NIBAN3: variants seen among roughly 807,000 people sequenced by gnomAD.
NIBAN3 encodes the protein niban apoptosis regulator 3.
A neutral mutation model predicts 76.4 loss-of-function variants in NIBAN3; 66 were observed. That is an observed-to-expected ratio of 0.86 (90% confidence interval 0.71 to 1.06). The LOEUF is 1.06. Among genes scored for constraint, NIBAN3 ranks in the 50% least tolerant of loss-of-function variants. The pLI is 0.00. For synonymous variants in NIBAN3, 360 were observed against 355.2 expected, an observed-to-expected ratio of 1.01 and a Z score of -0.15; for missense variants, 808 against 810.7, an observed-to-expected ratio of 1.00 and a Z score of 0.04.
In NIBAN3 at chr19:17,552,188, C is replaced by T. The variant is rs1047295426; in HGVS notation, c.*290C>T. The T allele has an allele frequency of 3.7e-5, 7 of 189,380 alleles. No homozygotes were observed. Among genetic ancestry groups the T allele is most frequent in the Non-Finnish European group, 6.5e-5 (6 of 92,362 alleles). The allele number at this position is 189,380 out of a possible 1,614,324, so 11.7% of individuals were successfully genotyped here. A position where few individuals can be genotyped will look rare whatever the true frequency, so the allele number is the denominator to read the frequency against. ...CCGCCTCCCGGGTTCAAGCGATTCT[C>T]CTGCCTCAGCCTCCCGAGTAGCTGA... On this transcript the variant is annotated 3_prime_UTR_variant, in exon 15 of 15. Coordinates refer to ENST00000599164, the MANE Select transcript of NIBAN3 (RefSeq NM_001321827.2).
chr19:17,532,507 GA>G, intron 3 of NIBAN3, 119 bp downstream of exon 3: 1 of 1,490,408 alleles, frequency 6.7e-7, no homozygotes, highest in South Asian at 1.2e-5. Flanking sequence ...CACCCAGGAT[GA>G]ATCTTGTGCC....
At position 17,542,221 on chromosome 19, in the gene NIBAN3, G is replaced by T. The variant is rs1239159719; in HGVS notation, c.1256G>T (p.Gly419Val). Reference protein sequence around the residue: ...REAERSRGRLGQLAAPFGFLG... With the variant: ...REAERSRGRLVQLAAPFGFLG... ...GCCGAGCGGAGCCGGGGGCGCTTGGGGCAGCTGGCAGCACCGTTTGGCTTT... is the reference window on the plus strand; with the variant it reads ...GCCGAGCGGAGCCGGGGGCGCTTGGTGCAGCTGGCAGCACCGTTTGGCTTT... Residue 419 changes from glycine (G) to valine (V), a missense_variant, in exon 10 of 15, where the codon GGG (glycine) becomes GTG (valine). By Grantham distance (109) the Gly-to-Val change is moderately radical. Coordinates refer to ENST00000599164, the MANE Select transcript of NIBAN3 (RefSeq NM_001321827.2). The surrounding 1 kb of genome is among the most constrained non-coding windows in gnomAD (Gnocchi z 4.8). 1.2e-6 allele frequency: 2 copies of T among 1,614,020 alleles called. No homozygotes were observed. Among genetic ancestry groups the T allele is most frequent in the East Asian group, 4.5e-5 (2 of 44,866 alleles).
intron 1 of NIBAN3, among the ~76,000 whole-genome samples, chr19:17,530,379 A>G (rs1239996363): frequency 6.6e-6 from 1 of 151,720 alleles, no homozygotes; most frequent in African/African-American, 2.4e-5. Flanking sequence ...TAAAAAATAC[A>G]AAAATTAGCC....
intron 9 of NIBAN3, among the ~76,000 whole-genome samples, chr19:17,540,792 G>A (rs934327914): frequency 2.0e-5 from 3 of 152,186 alleles, no homozygotes; most frequent in Admixed American, 2.0e-4. Flanking sequence ...GAAGTGTAGT[G>A]GCACAATCTT....
Position 17,551,373 on chromosome 19 carries a change from G to A in NIBAN3, c.1751-413G>A, listed in dbSNP as rs544410661. On this transcript the variant is annotated intron_variant, in intron 14 of 14. Transcript: ENST00000599164. ...GCCTCCCAAAGTGCTGGGATTACAA[G>A]CGTGAGCCACTGCACCCGGCCTACA... 4.0e-5 allele frequency among the ~76,000 whole-genome samples: 6 copies of A among 151,650 alleles called. No individual in the cohort carries two copies. In the East Asian group the frequency reaches 1.2e-3, roughly 30 times the overall value.
At chr19:17,537,873 G>T (rs192927253) in intron 5 of NIBAN3, among the ~76,000 whole-genome samples, 1 of 151,946 alleles carries the variant, frequency 6.6e-6, no homozygotes, top group Non-Finnish European at 1.5e-5. Flanking sequence ...TTGAACCCGG[G>T]AGGTGGAGGT....
chr19:17,539,832 C>T (rs2075907552), intron 8 of NIBAN3, 67 bp downstream of exon 8: 2 of 1,270,486 alleles, frequency 1.6e-6, no homozygotes, highest in Non-Finnish European at 2.1e-6. Flanking sequence ...GGGGCGTGAC[C>T]TAAGCGAAGA....
At chr19:17,546,992 G>A (rs1050625966) in intron 13 of NIBAN3, among the ~76,000 whole-genome samples, 195 bp downstream of exon 13, 10 of 152,180 alleles carry the variant, frequency 6.6e-5, no homozygotes, top group Admixed American at 5.2e-4. Flanking sequence ...AGGAAGGGCC[G>A]TTGGACTGGG....
chr19:17,547,956 C>T (rs116266344), intron 13 of NIBAN3, among the ~76,000 whole-genome samples: 2,721 of 152,270 alleles, frequency 0.018, 30 homozygotes, highest in African/African-American at 0.029. Context: ...TGAGAGACAT[C>T]GTCTTAAAAC....
At position 17,533,769 on chromosome 19, in the gene NIBAN3, C is replaced by T. The variant is rs1254893367; in HGVS notation, c.427+68C>T. 3.3e-6 allele frequency: 4 copies of T among 1,229,130 alleles called. No individual in the cohort carries two copies. In the East Asian group the frequency reaches 9.3e-5, roughly 29 times the overall value. 76.1% of individuals were successfully genotyped at this position (1,229,130 alleles called of 1,614,324 possible). A position where few individuals can be genotyped will look rare whatever the true frequency, so the allele number is the denominator to read the frequency against. On this transcript the variant is annotated intron_variant, in intron 4 of 14. Coordinates refer to ENST00000599164, the MANE Select transcript of NIBAN3 (RefSeq NM_001321827.2). The stretch of plus-strand genomic sequence containing the variant: ...GCATCATTAACATGTGGGGCCAGAT[C>T]ATTCTCTGCGGTGGGGGCGTCCCGT...
At position 17,543,350 on chromosome 19, in the gene NIBAN3, C is replaced by A. The variant is rs747231201; in HGVS notation, c.1363C>A (p.Leu455Met). ...TGACGCCGTGGCCACCTTCCTGCAG[C>A]TGGCTGACCAGTGTCTGACGACGGC... ...MADAVATFLQ[L>M]ADQCLTTALN... The change falls in exon 11 of 15, where the codon CTG (leucine) becomes ATG (methionine). Residue 455 changes from leucine (L) to methionine (M), a missense_variant. Physicochemically the swap from Leu to Met is conservative, Grantham distance 15. Coordinates refer to ENST00000599164, the MANE Select transcript of NIBAN3 (RefSeq NM_001321827.2). The A allele has an allele frequency of 6.3e-7, 1 of 1,581,406 alleles. No homozygotes were observed. Among genetic ancestry groups the A allele is most frequent in the Non-Finnish European group, 8.6e-7 (1 of 1,160,136 alleles).
intron 3 of NIBAN3, 50 bp from the exon 4 acceptor site, chr19:17,533,537 A>C: frequency 7.8e-7 from 1 of 1,289,268 alleles, no homozygotes; most frequent in Non-Finnish European, 1.1e-6. Context: ...GGGACACAGA[A>C]GCCACAGTTC....
At chr19:17,549,558 C>A in intron 14 of NIBAN3, 31 bp downstream of exon 14, 5 of 1,549,528 alleles carry the variant, frequency 3.2e-6, no homozygotes, top group Non-Finnish European at 3.6e-6. Context: ...CTGAAACATG[C>A]CAGTGATTGC....
intron 2 of NIBAN3, 52 bp downstream of exon 2, chr19:17,530,937 G>A (rs748575102): frequency 4.4e-6 from 7 of 1,583,206 alleles, no homozygotes; most frequent in East Asian, 4.6e-5. Flanking sequence ...GGGTCCTGGA[G>A]GAGCCCTCCC....
chr19:17,529,428 T>C (rs1462947453), intron 1 of NIBAN3, among the ~76,000 whole-genome samples: 1 of 151,886 alleles, frequency 6.6e-6, no homozygotes, highest in African/African-American at 2.4e-5. Flanking sequence ...TGGCACAGAA[T>C]GGCTGCTGGA....
At chr19:17,547,818 C>T (rs1265773967) in intron 13 of NIBAN3, among the ~76,000 whole-genome samples, 2 of 151,702 alleles carry the variant, frequency 1.3e-5, no homozygotes, top group African/African-American at 2.4e-5. Flanking sequence ...AGGTGCATGC[C>T]AGCACACCTG....
intron 3 of NIBAN3, 54 bp from the exon 4 acceptor site, chr19:17,533,533 C>A: frequency 8.0e-7 from 1 of 1,254,764 alleles, no homozygotes; most frequent in Non-Finnish European, 1.2e-6. Flanking sequence ...AGTTGGGACA[C>A]AGAAGCCACA....
Position 17,542,431 on chromosome 19 carries a change from C to G in NIBAN3, c.1329+137C>G, listed in dbSNP as rs577427827. On this transcript the variant is annotated intron_variant, in intron 10 of 14. Transcript: ENST00000599164. This position sits in a 1 kb window ranked among gnomAD's most constrained non-coding sequence, Gnocchi z 4.8. ...TGCCAGTCTCATGGGGACATGAGCC[C>G]GTGACCAGGCAGCAGCCACATGTGG... 7 of 939,234 alleles carry G rather than the reference C, an allele frequency of 7.5e-6. No homozygotes were observed. The highest frequency in any genetic ancestry group is 1.1e-5 in the Non-Finnish European group (7 of 638,664). The allele number at this position is 939,234 out of a possible 1,614,324, so 58.2% of individuals were successfully genotyped here.
downstream of NIBAN3, among the ~76,000 whole-genome samples, chr19:17,554,363 C>T (rs1351524562): frequency 6.6e-6 from 1 of 151,882 alleles, no homozygotes; most frequent in African/African-American, 2.4e-5. Flanking sequence ...ACTTGTAGTC[C>T]CAGCTACTTG....
Sources: allele counts gnomAD v4.1 joint callset (sites outside exome capture counted in the v4.1 genomes callset), GRCh38; gene constraint gnomAD v4.1.1; non-coding constraint Gnocchi (gnomAD v3.1); transcripts MANE v1.5; gene names NCBI Gene and HGNC (gene_info 2026-07-23, HGNC 2026-07-21).